Variants in FRMD5 observed in about 807,000 individuals in gnomAD.
The protein encoded by FRMD5 is FERM domain containing 5, also known as FERM domain-containing protein 5.
A neutral mutation model predicts 69.0 loss-of-function variants in FRMD5; 20 were observed. That is an observed-to-expected ratio of 0.29 (90% CI 0.20 to 0.42). FRMD5 has a LOEUF of 0.42. Ranked by LOEUF, FRMD5 falls within the 10% of genes least tolerant of loss-of-function variation. The probability of loss-of-function intolerance (pLI) is 1.00; values close to 1 mark genes in which losing one functional copy is unlikely to be tolerated. For synonymous variants in FRMD5, 271 were observed against 260.1 expected, an observed-to-expected ratio of 1.04 and a Z score of -0.40; for missense variants, 595 against 708.6, an observed-to-expected ratio of 0.84 and a Z score of 1.82.
At chr15:44,144,235 G>T (rs1281838478) in intron 1 of FRMD5, among the ~76,000 whole-genome samples, 1 of 152,130 alleles carries the variant, frequency 6.6e-6, no homozygotes, top group Non-Finnish European at 1.5e-5. Context: ...TATCTATAGA[G>T]TAGGTATTAT....
chr15:44,160,625 T>C (rs1212071337), intron 1 of FRMD5, among the ~76,000 whole-genome samples: 1 of 152,240 alleles, frequency 6.6e-6, no homozygotes, highest in Non-Finnish European at 1.5e-5. Flanking sequence ...TAACTTCATG[T>C]TTAAAGCTAA....
At chr15:44,163,105 C>T (rs982768399) in intron 1 of FRMD5, among the ~76,000 whole-genome samples, 11 of 152,040 alleles carry the variant, frequency 7.2e-5, no homozygotes, top group East Asian at 1.9e-4. Context: ...ACCCGAGAGG[C>T]GGAGCTTGCA....
chr15:44,035,413 A>G (rs897609529), intron 1 of FRMD5, among the ~76,000 whole-genome samples: 1 of 152,220 alleles, frequency 6.6e-6, no homozygotes, highest in African/African-American at 2.4e-5. Context: ...CTGGTGGTGT[A>G]AAGAAGCAAC....
intron 1 of FRMD5, among the ~76,000 whole-genome samples, chr15:44,124,515 C>T (rs942152704): frequency 7.3e-5 from 11 of 151,516 alleles, no homozygotes; most frequent in African/African-American, 2.7e-4. Context: ...CTGGCTAACA[C>T]GGCGAAACCC....
At chr15:44,026,921 C>T (rs1366650356) in intron 1 of FRMD5, among the ~76,000 whole-genome samples, 1 of 152,156 alleles carries the variant, frequency 6.6e-6, no homozygotes, top group African/African-American at 2.4e-5. Flanking sequence ...TTGCCTCTGG[C>T]GTAAGTAAAT....
chr15:43,924,342 G>C (rs1254174824), intron 1 of FRMD5, 33 bp from the exon 2 acceptor site: 2 of 1,498,630 alleles, frequency 1.3e-6, no homozygotes, highest in African/African-American at 1.4e-5. Context: ...TGAGAAATGA[G>C]TGGGTTTCTT....
chr15:44,127,566 T>C (rs115550148), intron 1 of FRMD5, among the ~76,000 whole-genome samples: 2,697 of 152,252 alleles, frequency 0.018, 75 homozygotes, highest in African/African-American at 0.052. Flanking sequence ...TTTCCCTCAA[T>C]TATATTTATT....
At chr15:43,970,349 G>T (rs1480201741) in intron 1 of FRMD5, among the ~76,000 whole-genome samples, 1 of 152,206 alleles carries the variant, frequency 6.6e-6, no homozygotes, top group Non-Finnish European at 1.5e-5. Context: ...GGCAGAAAAG[G>T]CTTAGAAGTT....
intron 1 of FRMD5, among the ~76,000 whole-genome samples, chr15:43,998,407 G>A (rs1890036657): frequency 6.6e-6 from 1 of 152,142 alleles, no homozygotes; most frequent in African/African-American, 2.4e-5. Context: ...TCTCTGCACA[G>A]GTGACCAAGG....
Position 43,873,214 on chromosome 15 carries a change from A to T in FRMD5, c.*671T>A, listed in dbSNP as rs1285163459. ...GTTGCTGTAGCGGTGGTCCCTTCAG[A>T]TGCCCACTCTGCTCAGATTTGAAAA... On this transcript the variant is annotated 3_prime_UTR_variant, in exon 14 of 14. Coordinates refer to ENST00000417257, the MANE Select transcript of FRMD5 (RefSeq NM_032892.5). The T allele has an allele frequency of 3.2e-6, 5 of 1,550,546 alleles. No individual in the cohort carries two copies. Among genetic ancestry groups the T allele is most frequent in the Middle Eastern group, 1.7e-4 (1 of 5,992 alleles).
At chr15:43,989,443 T>TGAC in intron 1 of FRMD5, 1 of 794,786 alleles carries the variant, frequency 1.3e-6, no homozygotes, top group Non-Finnish European at 2.3e-6. Flanking sequence ...CCGATGATGA[T>TGAC]GACCTGGCCG....
intron 1 of FRMD5, among the ~76,000 whole-genome samples, chr15:44,156,852 AG>A (rs2140488290): frequency 6.6e-6 from 1 of 152,276 alleles, no homozygotes; most frequent in African/African-American, 2.4e-5. Flanking sequence ...GGACTGCTCC[AG>A]CTCAAGAGTT....
chr15:44,006,828 T>C (rs1219808463), intron 1 of FRMD5, among the ~76,000 whole-genome samples: 1 of 152,254 alleles, frequency 6.6e-6, no homozygotes, highest in Non-Finnish European at 1.5e-5. Flanking sequence ...CTGGTGAAGA[T>C]GCTGTGAACA....
chr15:44,133,268 T>C (rs761127935), intron 1 of FRMD5, among the ~76,000 whole-genome samples: 34 of 151,502 alleles, frequency 2.2e-4, no homozygotes, highest in African/African-American at 3.6e-4. Context: ...ATTTTATATG[T>C]ATTTTAGTAC....
chr15:43,909,851 A>C (rs772321991), intron 5 of FRMD5, 31 bp downstream of exon 5: 102 of 1,386,966 alleles, frequency 7.4e-5, no homozygotes, highest in Non-Finnish European at 9.8e-5. Flanking sequence ...CTTGGCATGA[A>C]AAGCAAACTT....
intron 1 of FRMD5, among the ~76,000 whole-genome samples, chr15:44,037,734 A>C (rs1406687822): frequency 4.6e-5 from 7 of 151,948 alleles, no homozygotes; most frequent in Non-Finnish European, 7.4e-5. Context: ...TCGGCCTCCT[A>C]AAGTGTTGGG....
intron 1 of FRMD5, among the ~76,000 whole-genome samples, chr15:44,145,741 C>G (rs1259991856): frequency 3.9e-5 from 6 of 152,156 alleles, no homozygotes; most frequent in African/African-American, 1.4e-4. Flanking sequence ...AGCAGGAACA[C>G]ATGGCTACCA....
chr15:44,056,702 C>T (rs559163345), intron 1 of FRMD5, among the ~76,000 whole-genome samples: 2 of 152,206 alleles, frequency 1.3e-5, no homozygotes, highest in African/African-American at 4.8e-5. Context: ...GGTCATCATG[C>T]TCATAAAGGA....
At chr15:44,185,073 A>C (rs1194482321) in intron 1 of FRMD5, among the ~76,000 whole-genome samples, 1 of 152,256 alleles carries the variant, frequency 6.6e-6, no homozygotes, top group Non-Finnish European at 1.5e-5. Context: ...AAATTATTTA[A>C]GATAAATTTA....
Sources: gnomAD v4.1 joint callset for allele counts (sites outside exome capture counted in the v4.1 genomes callset) on GRCh38, gnomAD v4.1.1 for gene constraint, MANE v1.5 for transcripts, NCBI Gene and HGNC (gene_info 2026-07-23, HGNC 2026-07-21) for gene names.